The following SH2D4A variants were observed in gnomAD, a reference collection of about 807,000 sequenced individuals.
SH2D4A encodes the protein SH2 domain-containing protein 4A.
In SH2D4A, 70 loss-of-function variants were observed where a neutral mutation model predicts 64.7. The ratio of observed to expected loss-of-function variants is 1.08; its 90% CI spans 0.89 to 1.32. SH2D4A has a LOEUF of 1.32. Among genes scored for constraint, SH2D4A ranks in the 40% most tolerant of loss-of-function variants. SH2D4A has a pLI of 0.00. For missense variants in SH2D4A, 706 were observed against 540.1 expected (o/e 1.31, Z -3.04); for synonymous variants, 268 against 200.7 (o/e 1.34, Z -2.83).
chr8:19,315,143 T>G (rs2052065194), intron 1 of SH2D4A, among the ~76,000 whole-genome samples: 1 of 152,142 alleles, frequency 6.6e-6, no homozygotes, highest in South Asian at 2.1e-4. Context: ...GACCTAATGT[T>G]TTTAATTTTT....
At chr8:19,319,085 T>A (rs532389309) in intron 1 of SH2D4A, among the ~76,000 whole-genome samples, 1 of 152,260 alleles carries the variant, frequency 6.6e-6, no homozygotes, top group African/African-American at 2.4e-5. Flanking sequence ...CTCTGTGAAC[T>A]TTTTTTGTTT....
At chr8:19,378,680 C>A (rs1033457902) in intron 8 of SH2D4A, among the ~76,000 whole-genome samples, 6 of 152,076 alleles carry the variant, frequency 3.9e-5, no homozygotes, top group Admixed American at 2.6e-4. Flanking sequence ...AGGTGATCCA[C>A]CCTACTCAGC....
At chr8:19,365,219 C>G (rs890854264) in intron 7 of SH2D4A, among the ~76,000 whole-genome samples, 12 of 152,150 alleles carry the variant, frequency 7.9e-5, no homozygotes, top group Non-Finnish European at 1.2e-4. Flanking sequence ...AGGGGAAACA[C>G]AAAGGCGGAT....
rs145326193 is a variant in SH2D4A at position 19,325,015 on chromosome 8, G to A, written c.181+5287G>A. Reference sequence around the variant, plus strand: ...TGTTGGTTGCCTGGTGAGCACCTCCGTTCAGAAGACCTGTAAGCCTTGCAA... The same window carrying A: ...TGTTGGTTGCCTGGTGAGCACCTCCATTCAGAAGACCTGTAAGCCTTGCAA... On this transcript the variant is annotated intron_variant, in intron 2 of 9. Transcript: ENST00000265807. Among the ~76,000 whole-genome samples the A allele has an allele frequency of 3.3e-3, 505 of 152,198 alleles. 1 individual carries two copies. Among genetic ancestry groups the A allele is most frequent in the Middle Eastern group, 0.014 (4 of 294 alleles).
chr8:19,394,047 A>T (rs567954451), intron 9 of SH2D4A, among the ~76,000 whole-genome samples: 1 of 152,198 alleles, frequency 6.6e-6, no homozygotes, highest in East Asian at 1.9e-4. Flanking sequence ...TCCCATCTGG[A>T]GGTGATGGGG....
intron 4 of SH2D4A, among the ~76,000 whole-genome samples, chr8:19,353,886 G>C (rs1190390202): frequency 1.3e-5 from 2 of 151,664 alleles, no homozygotes; most frequent in African/African-American, 4.8e-5. Flanking sequence ...TTATAAATGT[G>C]GTTCTTAGTA....
At chr8:19,324,543 A>T (rs971557805) in intron 2 of SH2D4A, among the ~76,000 whole-genome samples, 9 of 151,944 alleles carry the variant, frequency 5.9e-5, no homozygotes, top group African/African-American at 2.2e-4. Flanking sequence ...CCTTATCTTG[A>T]TCAATTCCTC....
intron 5 of SH2D4A, among the ~76,000 whole-genome samples, chr8:19,359,999 C>T (rs1169495308): frequency 2.6e-5 from 4 of 152,196 alleles, no homozygotes; most frequent in African/African-American, 4.8e-5. Context: ...TTTTATTAGT[C>T]CACCAAACTG....
chr8:19,317,222 T>C (rs905698118), intron 1 of SH2D4A, among the ~76,000 whole-genome samples: 1 of 152,060 alleles, frequency 6.6e-6, no homozygotes, highest in Non-Finnish European at 1.5e-5. Flanking sequence ...ATCTTGGAGC[T>C]TGTGGATTTC....
chr8:19,393,462 CCT>C lies in SH2D4A; in HGVS notation c.1196_1197del (p.Ser399CysfsTer49), dbSNP rs2053531377. The C allele has an allele frequency of 6.2e-7, 1 of 1,614,136 alleles. No individual in the cohort carries two copies. The highest frequency in any genetic ancestry group is 1.7e-5 in the Admixed American group (1 of 60,004). ...GGCTGTAAACATTTCCTCATCGATGCCTCTGCAGACGCCTACAGCTTCCTGGG... is the reference window on the plus strand; with the variant it reads ...GGCTGTAAACATTTCCTCATCGATGCCTGCAGACGCCTACAGCTTCCTGGG... On this transcript the variant is annotated frameshift_variant, in exon 9 of 10. Transcript: ENST00000265807. LOFTEE classifies it high-confidence loss of function.
intron 2 of SH2D4A, among the ~76,000 whole-genome samples, chr8:19,330,069 C>G (rs2052346572): frequency 6.6e-6 from 1 of 152,194 alleles, no homozygotes; most frequent in Non-Finnish European, 1.5e-5. Flanking sequence ...GGGCACATCT[C>G]TTTCATCCCT....
intron 8 of SH2D4A, among the ~76,000 whole-genome samples, chr8:19,389,478 C>T (rs1030888746): frequency 6.6e-6 from 1 of 152,158 alleles, no homozygotes. Flanking sequence ...GGACCTCCTC[C>T]AGCTGCGACG....
intron 2 of SH2D4A, among the ~76,000 whole-genome samples, chr8:19,321,683 C>G (rs2117177699): frequency 6.6e-6 from 1 of 152,280 alleles, no homozygotes; most frequent in Admixed American, 6.5e-5. Context: ...GGTTTATGCA[C>G]CTTCTTGGAT....
At chr8:19,381,885 T>C (rs2053298839) in intron 8 of SH2D4A, among the ~76,000 whole-genome samples, 1 of 152,184 alleles carries the variant, frequency 6.6e-6, no homozygotes, top group Non-Finnish European at 1.5e-5. Context: ...TTTTCTGCAT[T>C]AATTGAGATG....
At chr8:19,375,793 T>C (rs1485011886) in intron 8 of SH2D4A, among the ~76,000 whole-genome samples, 2 of 152,220 alleles carry the variant, frequency 1.3e-5, no homozygotes, top group Non-Finnish European at 2.9e-5. Context: ...GATGTGTTAA[T>C]TAGTTTGATT....
intron 7 of SH2D4A, among the ~76,000 whole-genome samples, chr8:19,369,767 CTCT>C (rs1457877326): frequency 2.0e-5 from 3 of 151,932 alleles, no homozygotes; most frequent in African/African-American, 7.2e-5. Flanking sequence ...ATTAAAACCA[CTCT>C]TCATTTCATT....
At chr8:19,357,614 G>A (rs2052813765) in intron 5 of SH2D4A, among the ~76,000 whole-genome samples, 1 of 152,178 alleles carries the variant, frequency 6.6e-6, no homozygotes, top group African/African-American at 2.4e-5. Flanking sequence ...TTGGCAGAAA[G>A]AGTGAATTCA....
intron 8 of SH2D4A, among the ~76,000 whole-genome samples, chr8:19,385,125 C>A (rs1168412597): frequency 6.6e-6 from 1 of 152,016 alleles, no homozygotes; most frequent in Non-Finnish European, 1.5e-5. Flanking sequence ...GCTTTGGTCC[C>A]AGTATTTTAT....
chr8:19,358,811 G>A lies in SH2D4A; in HGVS notation c.594+1528G>A, dbSNP rs1444881577. On this transcript the variant is annotated intron_variant, in intron 5 of 9. Transcript: ENST00000265807. Reference sequence around the variant, plus strand: ...AAGAGGCTTTCTGAACGGGCCCAGCGGCTTTCTATATGGGCCCAGCGTGCC... The same window carrying A: ...AAGAGGCTTTCTGAACGGGCCCAGCAGCTTTCTATATGGGCCCAGCGTGCC... 6.6e-5 allele frequency among the ~76,000 whole-genome samples: 10 copies of A among 152,186 alleles called. 1 individual carries two copies. Among genetic ancestry groups the A allele is most frequent in the Non-Finnish European group, 4.4e-5 (3 of 68,032 alleles).
Sources: gnomAD v4.1 joint callset for allele counts (sites outside exome capture counted in the v4.1 genomes callset) on GRCh38, gnomAD v4.1.1 for gene constraint, MANE v1.5 for transcripts, NCBI Gene and HGNC (gene_info 2026-07-23, HGNC 2026-07-21) for gene names.